ATAD2B: variants seen among roughly 807,000 people sequenced by gnomAD.
ATAD2B encodes the protein ATPase family AAA domain containing 2B.
ATAD2B carries 40 observed loss-of-function variants against 167.6 expected under a neutral mutation model. That is an observed-to-expected ratio of 0.24 (90% CI 0.19 to 0.31). ATAD2B has a LOEUF of 0.31. ATAD2B is among the 10% of genes least tolerant of loss of function. The pLI, the probability that ATAD2B is intolerant of heterozygous loss-of-function variation, is 1.00. For synonymous variants in ATAD2B, 579 were observed against 596.5 expected (o/e 0.97, Z 0.43); for missense variants, 1,242 against 1,757.2 (o/e 0.71, Z 5.24).
At chr2:23,834,860 C>G (rs142709746) in intron 13 of ATAD2B, among the ~76,000 whole-genome samples, 2 of 152,188 alleles carry the variant, frequency 1.3e-5, no homozygotes, top group East Asian at 3.9e-4. Flanking sequence ...TGAGATTAGC[C>G]TGGGGAACAC....
At chr2:23,701,613 T>C in the ATAD2B span, among the ~76,000 whole-genome samples, 2 of 152,000 alleles carry the variant, frequency 1.3e-5, no homozygotes, top group Admixed American at 1.3e-4. Flanking sequence ...CTCAGGAGGC[T>C]GAGGTGGGAG....
intron 2 of ATAD2B, among the ~76,000 whole-genome samples, chr2:23,890,827 G>A (rs1047081350): frequency 3.3e-5 from 5 of 152,052 alleles, no homozygotes; most frequent in African/African-American, 1.2e-4. Context: ...CTCTAAAGAA[G>A]ACAATGCTTA....
intron 17 of ATAD2B, among the ~76,000 whole-genome samples, chr2:23,813,265 TA>T (rs1446313785): frequency 6.6e-6 from 1 of 150,580 alleles, no homozygotes; most frequent in Non-Finnish European, 1.5e-5. Flanking sequence ...CATATGTTTA[TA>T]AAAATTATAT....
intron 1 of ATAD2B, among the ~76,000 whole-genome samples, chr2:23,926,155 C>G (rs1704764597): frequency 6.6e-6 from 1 of 152,220 alleles, no homozygotes; most frequent in African/African-American, 2.4e-5. Flanking sequence ...GACACACTTT[C>G]AAGAAGGGTT....
At chr2:23,855,327 G>T (rs887925311) in intron 13 of ATAD2B, among the ~76,000 whole-genome samples, 1 of 151,998 alleles carries the variant, frequency 6.6e-6, no homozygotes, top group African/African-American at 2.4e-5. Flanking sequence ...ACACAAAGAT[G>T]CTCAATATTA....
intron 1 of ATAD2B, among the ~76,000 whole-genome samples, chr2:23,903,739 T>C (rs1701112182): frequency 6.6e-6 from 1 of 152,142 alleles, no homozygotes; most frequent in Non-Finnish European, 1.5e-5. Context: ...AAGTATAGCA[T>C]TTAAAAATGA....
chr2:23,887,289 C>T (rs919746180), intron 4 of ATAD2B, among the ~76,000 whole-genome samples: 2 of 152,178 alleles, frequency 1.3e-5, no homozygotes, highest in African/African-American at 2.4e-5. Flanking sequence ...CTTGAACTCC[C>T]GGGCACAGGA....
At chr2:23,921,757 C>G (rs927763214) in intron 1 of ATAD2B, among the ~76,000 whole-genome samples, 2 of 152,106 alleles carry the variant, frequency 1.3e-5, no homozygotes, top group African/African-American at 4.8e-5. Flanking sequence ...AACATTGTCA[C>G]GTTACAATAT....
chr2:23,706,010 C>T, the ATAD2B span, among the ~76,000 whole-genome samples: 2 of 152,214 alleles, frequency 1.3e-5, no homozygotes, highest in African/African-American at 4.8e-5. Flanking sequence ...CCAGGTCACA[C>T]AGAAGCACCT....
intron 19 of ATAD2B, among the ~76,000 whole-genome samples, chr2:23,790,927 CA>C (rs1310390445): frequency 6.6e-6 from 1 of 152,136 alleles, no homozygotes; most frequent in Non-Finnish European, 1.5e-5. Flanking sequence ...TCCATTACCC[CA>C]AAAAGTTTCC....
chr2:23,699,789 G>A, the ATAD2B span, among the ~76,000 whole-genome samples: 41 of 151,966 alleles, frequency 2.7e-4, no homozygotes, highest in Non-Finnish European at 5.0e-4. Flanking sequence ...ATCCTCTACC[G>A]GGTCCTTCAC....
At chr2:23,832,031 A>C (rs1261887000) in intron 14 of ATAD2B, among the ~76,000 whole-genome samples, 5 of 152,200 alleles carry the variant, frequency 3.3e-5, no homozygotes, top group Admixed American at 3.3e-4. Context: ...CTACTAACTG[A>C]AACTGTTCTC....
intron 1 of ATAD2B, among the ~76,000 whole-genome samples, chr2:23,922,578 T>C (rs1475102189): frequency 6.6e-6 from 1 of 151,944 alleles, no homozygotes; most frequent in Non-Finnish European, 1.5e-5. Context: ...AAGCAGTTAA[T>C]TTCCAAAATA....
In ATAD2B at chr2:23,873,937, A is replaced by G. The variant is rs566628106; in HGVS notation, c.977+1892T>C. On this transcript the variant is annotated intron_variant, in intron 8 of 27. Transcript: ENST00000238789. ...CATGGTGGCTCATGCCTGGAATCCCAGCACTTTGGGAGGCTGAGGCAGGCA... is the reference window on the plus strand; with the variant it reads ...CATGGTGGCTCATGCCTGGAATCCCGGCACTTTGGGAGGCTGAGGCAGGCA... Among the ~76,000 whole-genome samples, 499 of 152,364 alleles carry G rather than the reference A, an allele frequency of 3.3e-3. 4 individuals carry two copies. Among genetic ancestry groups the G allele is most frequent in the African/African-American group, 0.011 (468 of 41,594 alleles).
At chr2:23,865,852 G>T in intron 10 of ATAD2B, 1 of 239,290 alleles carries the variant, frequency 4.2e-6, no homozygotes, top group Non-Finnish European at 6.7e-6. Context: ...ACCCATAATA[G>T]TTTAAATAGC....
intron 1 of ATAD2B, among the ~76,000 whole-genome samples, chr2:23,914,930 C>T (rs138604942): frequency 0.011 from 1,640 of 151,950 alleles, 17 homozygotes; most frequent in Middle Eastern, 0.037. Context: ...ACTTTAAGTA[C>T]ACATATACTT....
intron 2 of ATAD2B, 71 bp downstream of exon 2, chr2:23,895,748 A>G: frequency 5.4e-6 from 6 of 1,116,426 alleles, no homozygotes; most frequent in Non-Finnish European, 6.2e-6. Flanking sequence ...TAAGAAAATT[A>G]GCATTAATAT....
chr2:23,714,486 C>G, the ATAD2B span, among the ~76,000 whole-genome samples: 3 of 150,350 alleles, frequency 2.0e-5, no homozygotes, highest in Non-Finnish European at 4.4e-5. Flanking sequence ...GTGATCCACC[C>G]GCCTCGGCCT....
In ATAD2B at chr2:23,758,005, G is replaced by T. The variant is rs1460813562; in HGVS notation, c.3491C>A (p.Thr1164Asn). 1.2e-6 allele frequency: 2 copies of T among 1,611,544 alleles called. No individual in the cohort carries two copies. Among genetic ancestry groups the T allele is most frequent in the African/African-American group, 2.7e-5 (2 of 74,718 alleles). Residue 1164 changes from threonine to asparagine, a missense_variant, in exon 25 of 28, where the codon ACC becomes AAC. Thr to Asn is a moderately conservative substitution (Grantham distance 65). This residue lies in a region of ATAD2B where 282 missense variants were observed against 346.8 expected (regional missense o/e 0.81). Coordinates refer to ENST00000238789, the MANE Select transcript of ATAD2B (RefSeq NM_017552.4). ...VNNLKKDEED[T>N]KFADYENHTE... Reference sequence around the variant, plus strand: ...ATGGTTCTCATAGTCTGCAAATTTGGTGTCTTCTTCATCTTTTTTTAAATT... The same window carrying T: ...ATGGTTCTCATAGTCTGCAAATTTGTTGTCTTCTTCATCTTTTTTTAAATT...
Sources: gnomAD v4.1 joint callset for allele counts (sites outside exome capture counted in the v4.1 genomes callset) on GRCh38, gnomAD v4.1.1 for gene constraint, gnomAD v4.1.1 regional missense constraint, MANE v1.5 for transcripts, NCBI Gene and HGNC (gene_info 2026-07-23, HGNC 2026-07-21) for gene names.